Variants in GNB4 observed in about 807,000 individuals in gnomAD.
GNB4 encodes the protein guanine nucleotide-binding protein subunit beta-4.
GNB4 carries 28 observed loss-of-function variants against 45.2 expected under a neutral mutation model. The ratio of observed to expected loss-of-function variants is 0.62; its 90% confidence interval spans 0.46 to 0.85. The LOEUF (loss-of-function observed/expected upper bound fraction) is 0.85, where lower values mean the gene tolerates loss of function less well. Among genes scored for constraint, GNB4 ranks in the 40% least tolerant of loss-of-function variants. The pLI is 0.00. For synonymous variants in GNB4, 132 were observed against 143.7 expected (o/e 0.92, Z 0.58); for missense variants, 321 against 425.4 (o/e 0.75, Z 2.16).
upstream of GNB4, among the ~76,000 whole-genome samples, chr3:179,453,469 C>T (rs983978819): frequency 6.6e-6 from 1 of 152,096 alleles, no homozygotes; most frequent in Non-Finnish European, 1.5e-5. Flanking sequence ...TGTGCACTAG[C>T]ATTTACCAGA....
At chr3:179,425,273 A>G (rs1481939762) in intron 2 of GNB4, among the ~76,000 whole-genome samples, 1 of 152,182 alleles carries the variant, frequency 6.6e-6, no homozygotes, top group Non-Finnish European at 1.5e-5. Context: ...CTCCCCACGC[A>G]GACGCCTCCT....
At chr3:179,458,305 C>G in the GNB4 span, among the ~76,000 whole-genome samples, 1 of 152,208 alleles carries the variant, frequency 6.6e-6, no homozygotes, top group Non-Finnish European at 1.5e-5. Flanking sequence ...GCAATTCACT[C>G]TCCTCAGGGA....
chr3:179,429,561 T>C (rs1250972578), intron 1 of GNB4, among the ~76,000 whole-genome samples: 2 of 152,212 alleles, frequency 1.3e-5, no homozygotes, highest in African/African-American at 4.8e-5. Flanking sequence ...TCATCCCTTC[T>C]TAACCAGGCT....
the GNB4 span, among the ~76,000 whole-genome samples, chr3:179,462,924 A>C: frequency 6.6e-6 from 1 of 152,194 alleles, no homozygotes; most frequent in Non-Finnish European, 1.5e-5. Context: ...CTTACCACCC[A>C]ACCCAACCTC....
At chr3:179,447,289 G>C (rs970321289) in intron 1 of GNB4, among the ~76,000 whole-genome samples, 1 of 148,640 alleles carries the variant, frequency 6.7e-6, no homozygotes, top group African/African-American at 2.5e-5. Context: ...GCAGAGAGCA[G>C]CAGATGAGAC....
chr3:179,516,731 G>A, the GNB4 span, among the ~76,000 whole-genome samples: 7 of 152,300 alleles, frequency 4.6e-5, no homozygotes, highest in East Asian at 9.6e-4. Context: ...CTTAGTCTAA[G>A]AACCATTCGC....
Position 179,401,235 on chromosome 3 carries a change from C to T in GNB4, c.1001G>A (p.Ser334Asn), listed in dbSNP as rs1714289558. The T allele has an allele frequency of 6.2e-7, 1 of 1,612,880 alleles. No individual in the cohort carries two copies. The highest frequency in any genetic ancestry group is 1.3e-5 in the African/African-American group (1 of 74,856). Reference protein sequence around the residue: ...GMAVATGSWDSFLRIWN With the variant: ...GMAVATGSWDNFLRIWN The stretch of plus-strand genomic sequence containing the variant: ...CTGTTAATTCCAGATTCTAAGAAAA[C>T]TGTCCCAAGAGCCTGTTGCCACAGC... The change falls in exon 10 of 10, where the codon AGT (serine) becomes AAT (asparagine). Residue 334 changes from serine to asparagine, a missense_variant. Coordinates refer to ENST00000232564, the MANE Select transcript of GNB4 (RefSeq NM_021629.4).
intron 1 of GNB4, among the ~76,000 whole-genome samples, chr3:179,436,360 C>T (rs758982053): frequency 8.4e-4 from 127 of 152,006 alleles, no homozygotes; most frequent in Non-Finnish European, 1.4e-3. Context: ...ATTGCACTCC[C>T]GCCTGGGCAA....
At chr3:179,414,748 T>G (rs1714747636) in intron 6 of GNB4, 137 bp downstream of exon 6, 1 of 573,058 alleles carries the variant, frequency 1.7e-6, no homozygotes, top group Non-Finnish European at 2.9e-6. Flanking sequence ...TAATGTTTCC[T>G]TTGTTCATAA....
intron 1 of GNB4, among the ~76,000 whole-genome samples, chr3:179,437,536 T>C (rs1273898488): frequency 6.6e-6 from 1 of 151,510 alleles, no homozygotes; most frequent in Non-Finnish European, 1.5e-5. Context: ...ACTGCACTCC[T>C]GACTGGCAAA....
the GNB4 span, among the ~76,000 whole-genome samples, chr3:179,479,782 A>T: frequency 6.6e-6 from 1 of 152,248 alleles, no homozygotes; most frequent in Non-Finnish European, 1.5e-5. Context: ...AGCAAATATC[A>T]GAATTATATT....
the GNB4 span, among the ~76,000 whole-genome samples, chr3:179,468,035 A>AAAAAAT: frequency 2.2e-5 from 2 of 89,866 alleles, no homozygotes; most frequent in Admixed American, 1.1e-4. Context: ...TGTTGATAAA[A>AAAAAAT]ATATATATAT....
At chr3:179,430,035 T>A (rs1232487121) in intron 1 of GNB4, among the ~76,000 whole-genome samples, 1 of 148,894 alleles carries the variant, frequency 6.7e-6, no homozygotes, top group Non-Finnish European at 1.5e-5. Context: ...TGACTCATAT[T>A]CCTCATCTTC....
the GNB4 span, among the ~76,000 whole-genome samples, chr3:179,527,790 ATG>A: frequency 0.085 from 12,115 of 142,164 alleles, 1,022 homozygotes; most frequent in African/African-American, 0.22. Context: ...GTGTGTATGT[ATG>A]TGTGTGTGTG....
rs1714273589 is a variant in GNB4 at position 179,400,821 on chromosome 3, C to T, written c.*392G>A. On this transcript the variant is annotated 3_prime_UTR_variant, in exon 10 of 10. Coordinates refer to ENST00000232564, the MANE Select transcript of GNB4 (RefSeq NM_021629.4). ...TGTCTGTTTCTGTGCCTGGTTCTTC[C>T]ATTACAAAACTCAAAAATATGACAT... The T allele has an allele frequency of 6.5e-6, 1 of 154,558 alleles. No homozygotes were observed. The highest frequency in any genetic ancestry group is 2.1e-4 in the South Asian group (1 of 4,868). 9.6% of individuals were successfully genotyped at this position (154,558 alleles called of 1,614,324 possible).
intron 2 of GNB4, among the ~76,000 whole-genome samples, chr3:179,423,522 G>A (rs1018765056): frequency 2.6e-5 from 4 of 152,170 alleles, no homozygotes; most frequent in Non-Finnish European, 4.4e-5. Context: ...GGTGGCTTAC[G>A]CCTGTAATCC....
chr3:179,396,124 T>C lies in GNB4; in HGVS notation c.*5089A>G, dbSNP rs1333394410. 6.6e-6 allele frequency: 1 copy of C among 152,100 alleles called. No homozygotes were observed. Among genetic ancestry groups the C allele is most frequent in the Non-Finnish European group, 1.5e-5 (1 of 68,026 alleles). The allele number at this position is 152,100 out of a possible 1,614,324, so 9.4% of individuals were successfully genotyped here. A position where few individuals can be genotyped will look rare whatever the true frequency, so the allele number is the denominator to read the frequency against. On this transcript the variant is annotated 3_prime_UTR_variant, in exon 10 of 10. Transcript: ENST00000232564. ...GCACTTTATTGATTACAGTATCAATTCACAACATTTCATAAAGCCACTGTA... is the reference window on the plus strand; with the variant it reads ...GCACTTTATTGATTACAGTATCAATCCACAACATTTCATAAAGCCACTGTA...
At chr3:179,438,878 C>A (rs1715526596) in intron 1 of GNB4, among the ~76,000 whole-genome samples, 1 of 152,196 alleles carries the variant, frequency 6.6e-6, no homozygotes, top group Non-Finnish European at 1.5e-5. Flanking sequence ...GATTTAAATA[C>A]TTGCCCCACC....
intron 1 of GNB4, among the ~76,000 whole-genome samples, chr3:179,439,890 T>C (rs973895841): frequency 6.6e-6 from 1 of 152,240 alleles, no homozygotes; most frequent in Non-Finnish European, 1.5e-5. Context: ...CCTCACGAAA[T>C]AATTGAGACT....
Sources: allele counts gnomAD v4.1 joint callset (sites outside exome capture counted in the v4.1 genomes callset), GRCh38; gene constraint gnomAD v4.1.1; transcripts MANE v1.5; gene names NCBI Gene and HGNC (gene_info 2026-07-23, HGNC 2026-07-21).